The following CNTNAP2 variants were observed in gnomAD, a reference collection of about 807,000 sequenced individuals.
The protein encoded by CNTNAP2 is contactin-associated protein-like 2.
In CNTNAP2, 98 loss-of-function variants were observed where a neutral mutation model predicts 155.2. The ratio of observed to expected loss-of-function variants is 0.63; its 90% CI spans 0.54 to 0.75. CNTNAP2 has a LOEUF of 0.75. CNTNAP2 is among the 30% of genes least tolerant of loss of function. The pLI, the probability that CNTNAP2 is intolerant of heterozygous loss-of-function variation, is 0.00. For missense variants in CNTNAP2, 1,727 were observed against 1,688.1 expected, an observed-to-expected ratio of 1.02 and a Z score of -0.40; for synonymous variants, 651 against 631.2, an observed-to-expected ratio of 1.03 and a Z score of -0.47.
In CNTNAP2 at chr7:146,670,373, C is replaced by T. The variant is rs61382425; in HGVS notation, c.98-103898C>T. 1.2e-3 allele frequency among the ~76,000 whole-genome samples: 177 copies of T among 152,216 alleles called. 2 individuals carry two copies. Among genetic ancestry groups the T allele is most frequent in the African/African-American group, 4.0e-3 (166 of 41,530 alleles). On this transcript the variant is annotated intron_variant, in intron 1 of 23. Transcript: ENST00000361727. The stretch of plus-strand genomic sequence containing the variant: ...ACCTCATTCCAGCGTATGCCATGGA[C>T]TTTTTTTCTGTTTATGAAGAACGTA...
At chr7:146,210,591 G>A (rs532813361) in intron 1 of CNTNAP2, among the ~76,000 whole-genome samples, 11 of 152,190 alleles carry the variant, frequency 7.2e-5, no homozygotes, top group Non-Finnish European at 1.3e-4. Flanking sequence ...GGTGTGAGCC[G>A]TTGTGCCTGG....
At chr7:146,808,868 T>C (rs1342187980) in intron 2 of CNTNAP2, among the ~76,000 whole-genome samples, 1 of 152,246 alleles carries the variant, frequency 6.6e-6, no homozygotes, top group Non-Finnish European at 1.5e-5. Context: ...TTGTCACGAA[T>C]GACAGAATTT....
intron 12 of CNTNAP2, among the ~76,000 whole-genome samples, chr7:147,601,761 G>A (rs10227633): frequency 0.68 from 101,693 of 150,216 alleles, 34,681 homozygotes; most frequent in African/African-American, 0.75. Flanking sequence ...TTCCCTAATT[G>A]TCCTGTAATT....
At chr7:147,808,666 G>T (rs1378552061) in intron 13 of CNTNAP2, among the ~76,000 whole-genome samples, 1 of 152,148 alleles carries the variant, frequency 6.6e-6, no homozygotes, top group East Asian at 1.9e-4. Flanking sequence ...TAAAAATGCT[G>T]CTAGAATGCA....
intron 15 of CNTNAP2, among the ~76,000 whole-genome samples, chr7:148,074,992 TC>T (rs911643784): frequency 6.6e-6 from 1 of 152,234 alleles, no homozygotes; most frequent in African/African-American, 2.4e-5. Context: ...AGAAAGTTTT[TC>T]TAAATTGCAC....
intron 13 of CNTNAP2, among the ~76,000 whole-genome samples, chr7:147,855,417 C>T (rs1006239622): frequency 6.6e-6 from 1 of 151,952 alleles, no homozygotes; most frequent in East Asian, 1.9e-4. Context: ...TGTCATCTTA[C>T]CTGGATGCTT....
chr7:146,580,269 C>T (rs1798591362), intron 1 of CNTNAP2, among the ~76,000 whole-genome samples: 1 of 151,896 alleles, frequency 6.6e-6, no homozygotes. Context: ...AAGTAACATG[C>T]GTTGTATGAC....
At chr7:146,442,328 A>G (rs113357967) in intron 1 of CNTNAP2, among the ~76,000 whole-genome samples, 1 of 151,574 alleles carries the variant, frequency 6.6e-6, no homozygotes, top group African/African-American at 2.4e-5. Flanking sequence ...AAAATATACT[A>G]TGATACATCT....
intron 1 of CNTNAP2, among the ~76,000 whole-genome samples, chr7:146,491,052 ATAT>A (rs1163091757): frequency 6.6e-6 from 1 of 152,148 alleles, no homozygotes; most frequent in Non-Finnish European, 1.5e-5. Flanking sequence ...TCTAGAGTGC[ATAT>A]TATATGAAAA....
chr7:146,434,505 G>A (rs367812649), intron 1 of CNTNAP2, among the ~76,000 whole-genome samples: 17 of 152,178 alleles, frequency 1.1e-4, no homozygotes, highest in East Asian at 7.7e-4. Flanking sequence ...CAACATTTAT[G>A]TGAATAATCT....
chr7:146,702,764 T>C (rs759626410), intron 1 of CNTNAP2, among the ~76,000 whole-genome samples: 52 of 152,298 alleles, frequency 3.4e-4, no homozygotes, highest in Admixed American at 7.2e-4. Flanking sequence ...TGGCATAATT[T>C]CTGTATTTGT....
chr7:148,052,080 A>G (rs938879234), intron 15 of CNTNAP2, among the ~76,000 whole-genome samples: 1 of 149,496 alleles, frequency 6.7e-6, no homozygotes, highest in Non-Finnish European at 1.5e-5. Flanking sequence ...CGGAGCTTGC[A>G]GTGAGCTGAG....
chr7:146,346,984 G>T (rs562377485), intron 1 of CNTNAP2, among the ~76,000 whole-genome samples: 1 of 151,634 alleles, frequency 6.6e-6, no homozygotes, highest in Non-Finnish European at 1.5e-5. Context: ...GAAAGAAAGG[G>T]ATCGATGAAA....
chr7:147,834,032 A>C (rs1798595134), intron 13 of CNTNAP2, among the ~76,000 whole-genome samples: 1 of 152,212 alleles, frequency 6.6e-6, no homozygotes, highest in Non-Finnish European at 1.5e-5. Context: ...TTGAAAGATT[A>C]GATATGGGTT....
chr7:148,279,006 T>A (rs1351647016), intron 21 of CNTNAP2, among the ~76,000 whole-genome samples: 1 of 152,130 alleles, frequency 6.6e-6, no homozygotes, highest in Non-Finnish European at 1.5e-5. Flanking sequence ...ATGGCTGGAA[T>A]ACAGCCATCA....
At chr7:147,142,593 T>C (rs1016080888) in intron 8 of CNTNAP2, among the ~76,000 whole-genome samples, 1 of 152,166 alleles carries the variant, frequency 6.6e-6, no homozygotes, top group Non-Finnish European at 1.5e-5. Flanking sequence ...CCTCATAAAA[T>C]GAGTTAGGGA....
chr7:147,153,952 A>G (rs749428789), intron 8 of CNTNAP2, among the ~76,000 whole-genome samples: 3 of 152,072 alleles, frequency 2.0e-5, no homozygotes. Context: ...GTTGAAGGCA[A>G]TTTCCTGATG....
At chr7:146,559,472 G>A (rs920835358) in intron 1 of CNTNAP2, among the ~76,000 whole-genome samples, 3 of 151,872 alleles carry the variant, frequency 2.0e-5, no homozygotes, top group African/African-American at 7.2e-5. Context: ...GGAGGCTGAG[G>A]CAGGAGAATC....
At chr7:146,172,032 A>ATTTTTTTTTT (rs61619996) in intron 1 of CNTNAP2, among the ~76,000 whole-genome samples, 61 of 67,616 alleles carry the variant, frequency 9.0e-4, no homozygotes, top group Middle Eastern at 0.016. Flanking sequence ...TGCTCTTAGT[A>ATTTTTTTTTT]TTTTTTTTTT....
Sources: gnomAD v4.1 joint callset for allele counts (sites outside exome capture counted in the v4.1 genomes callset) on GRCh38, gnomAD v4.1.1 for gene constraint, MANE v1.5 for transcripts, NCBI Gene and HGNC (gene_info 2026-07-23, HGNC 2026-07-21) for gene names.